ITGA10: variants seen among roughly 807,000 people sequenced by gnomAD.
ITGA10 encodes integrin subunit alpha 10.
A neutral mutation model predicts 145.2 loss-of-function variants in ITGA10; 105 were observed. The observed-to-expected ratio is 0.72, with a 90% CI of 0.62 to 0.85. The LOEUF (loss-of-function observed/expected upper bound fraction) is 0.85. ITGA10 is among the 40% of genes least tolerant of loss of function. ITGA10 has a pLI of 0.00. For synonymous variants in ITGA10, 506 were observed against 557.8 expected, an observed-to-expected ratio of 0.91 and a Z score of 1.31; for missense variants, 1,317 against 1,444.5, an observed-to-expected ratio of 0.91 and a Z score of 1.43.
At position 145,904,709 on chromosome 1, in the gene ITGA10, A is replaced by G; in HGVS notation, c.584T>C (p.Leu195Pro). The G allele has an allele frequency of 6.2e-7, 1 of 1,613,974 alleles. No individual in the cohort carries two copies. Among genetic ancestry groups the G allele is most frequent in the Non-Finnish European group, 8.5e-7 (1 of 1,179,912 alleles). The change falls in exon 6 of 30, where the codon CTG becomes CCG. Residue 195 changes from leucine to proline, a missense_variant. Leu to Pro is a moderately conservative substitution (Grantham distance 98). Coordinates refer to ENST00000369304, the MANE Select transcript of ITGA10 (RefSeq NM_003637.5). ...CTGTATCTGTTCTGGGTCAATAAAC[A>G]GTTTCCCTACCAGTCTTCGTAGGAA... ...QTFLRRLVGK[L>P]FIDPEQIQVG...
intron 1 of ITGA10, 89 bp downstream of exon 1, chr1:145,909,874 C>A: frequency 8.5e-7 from 1 of 1,173,320 alleles, no homozygotes; most frequent in South Asian, 1.2e-5. Flanking sequence ...AACCTAAATC[C>A]CAAAGAATTT....
chr1:145,901,863 T>C lies in ITGA10; in HGVS notation c.1294+14A>G. 5.6e-6 allele frequency: 9 copies of C among 1,613,994 alleles called. No homozygotes were observed. Among genetic ancestry groups the C allele is most frequent in the Non-Finnish European group, 6.8e-6 (8 of 1,179,948 alleles). ...CCCTACCCTGTAAGTCCTCTGCAACTCTCTGCTGCTCACCCAGGTAGGCTG... is the reference window on the plus strand; with the variant it reads ...CCCTACCCTGTAAGTCCTCTGCAACCCTCTGCTGCTCACCCAGGTAGGCTG... On this transcript the variant is annotated intron_variant, in intron 11 of 29. Coordinates refer to ENST00000369304, the MANE Select transcript of ITGA10 (RefSeq NM_003637.5). The surrounding 1 kb of genome is among the most constrained non-coding windows in gnomAD (Gnocchi z 4.3).
In ITGA10 at chr1:145,907,281, C is replaced by T. The variant is rs1553751649; in HGVS notation, c.164+73G>A. On this transcript the variant is annotated intron_variant, in intron 2 of 29. Coordinates refer to ENST00000369304, the MANE Select transcript of ITGA10 (RefSeq NM_003637.5). Reference sequence around the variant, plus strand: ...TCAAAAGACCAGATTAGTTTAGAGTCCCATCTATCTTGCCTCCCCTTTGTT... The same window carrying T: ...TCAAAAGACCAGATTAGTTTAGAGTTCCATCTATCTTGCCTCCCCTTTGTT... 5.0e-6 allele frequency: 8 copies of T among 1,611,752 alleles called. No homozygotes were observed. The South Asian group carries it at 8.8e-5, about 18-fold the overall frequency.
At chr1:145,895,553 T>G (rs1273491199) in intron 26 of ITGA10, 78 bp downstream of exon 26, 1 of 1,469,196 alleles carries the variant, frequency 6.8e-7, no homozygotes, top group African/African-American at 1.4e-5. Flanking sequence ...TCTTCCCCAC[T>G]CCAGTTCCTA....
rs782514495 is a variant in ITGA10, at chr1:145,901,177, C to A, written c.1545G>T (p.Gln515His). Residue 515 changes from glutamine (Q) to histidine (H), a missense_variant, in exon 13 of 30, where the codon CAG (glutamine) becomes CAT (histidine). Physicochemically the swap from Gln to His is conservative, Grantham distance 24. Transcript: ENST00000369304. The surrounding 1 kb of genome is among the most constrained non-coding windows in gnomAD (Gnocchi z 4.3). ...CATAAACACGTCCTGTTTCCTTGTT[C>A]TGGGGTCCCAGGAACATGGGGGCAG... The part of the protein sequence containing the change: ...LVAAPMFLGP[Q>H]NKETGRVYVY... 6.2e-7 allele frequency: 1 copy of A among 1,614,094 alleles called. No individual in the cohort carries two copies. The highest frequency in any genetic ancestry group is 1.1e-5 in the South Asian group (1 of 91,064).
chr1:145,905,429 G>A (rs777834889), intron 5 of ITGA10, among the ~76,000 whole-genome samples: 110 of 150,784 alleles, frequency 7.3e-4, no homozygotes, highest in Non-Finnish European at 1.4e-3. Flanking sequence ...ACAGGCGCCC[G>A]CCACGACACC....
In ITGA10 at chr1:145,904,815, G is replaced by A. The variant is rs1656895641; in HGVS notation, c.482-4C>T. The stretch of plus-strand genomic sequence containing the variant: ...ACATCCATGTATGTTGGGCAGCCTA[G>A]AAGGAAGGAGAACACTGAGGTAGAG... On this transcript the variant is annotated splice_polypyrimidine_tract_variant and splice_region_variant and intron_variant, in intron 5 of 29. Transcript: ENST00000369304. 6.2e-7 allele frequency: 1 copy of A among 1,613,448 alleles called. No individual in the cohort carries two copies. Among genetic ancestry groups the A allele is most frequent in the African/African-American group, 1.3e-5 (1 of 74,884 alleles).
At chr1:145,904,296 G>T in intron 6 of ITGA10, 96 bp from the exon 7 acceptor site, 2 of 1,189,946 alleles carry the variant, frequency 1.7e-6, no homozygotes, top group Non-Finnish European at 2.5e-6. Flanking sequence ...TGAACACCTG[G>T]ATACTACTGA....
At chr1:145,898,365 ATTT>A in intron 17 of ITGA10, 142 bp from the exon 18 acceptor site, 1 of 277,796 alleles carries the variant, frequency 3.6e-6, no homozygotes, top group Non-Finnish European at 6.5e-6. Flanking sequence ...TAGTTAATTT[ATTT>A]ATTTATTTAT....
Position 145,896,449 on chromosome 1 carries a change from G to A in ITGA10, c.2835-97C>T. On this transcript the variant is annotated intron_variant, in intron 23 of 29. Coordinates refer to ENST00000369304, the MANE Select transcript of ITGA10 (RefSeq NM_003637.5). The stretch of plus-strand genomic sequence containing the variant: ...ACAGACGTGGATTCAGAGGAGGCAG[G>A]GCCAGCACATGGATAAAGAGGTGGG... 4 of 921,754 alleles carry A rather than the reference G, an allele frequency of 4.3e-6. No individual in the cohort carries two copies. The Admixed American group carries it at 7.0e-5, about 16-fold the overall frequency. The allele number at this position is 921,754 out of a possible 1,614,324, so 57.1% of individuals were successfully genotyped here.
rs781833132 is a variant in ITGA10 at position 145,892,879 on chromosome 1, T to C, written c.3439-16A>G. 6.2e-6 allele frequency: 10 copies of C among 1,608,042 alleles called. No homozygotes were observed. The highest frequency in any genetic ancestry group is 7.7e-6 in the Non-Finnish European group (9 of 1,174,460). Reference sequence around the variant, plus strand: ...AGAAGCCAAGCTGTAGAAGAAAAGATAAGCGTCACTGCCAAATGCCTAGAC... The same window carrying C: ...AGAAGCCAAGCTGTAGAAGAAAAGACAAGCGTCACTGCCAAATGCCTAGAC... On this transcript the variant is annotated splice_polypyrimidine_tract_variant and intron_variant, in intron 29 of 29. Coordinates refer to ENST00000369304, the MANE Select transcript of ITGA10 (RefSeq NM_003637.5).
rs1271016460 is a variant in ITGA10, at chr1:145,900,050, C to A, written c.1922+7G>T. On this transcript the variant is annotated splice_region_variant and intron_variant, in intron 15 of 29. Coordinates refer to ENST00000369304, the MANE Select transcript of ITGA10 (RefSeq NM_003637.5). ...TGTCCACCACCACCTGAGCTGGGAC[C>A]CCTCACCTGAGCAGGATGGCTGCCC... is the stretch of plus-strand genomic sequence containing the variant. The A allele has an allele frequency of 3.1e-6, 5 of 1,611,976 alleles. No homozygotes were observed. The African/African-American group carries it at 5.3e-5, about 17-fold the overall frequency.
At position 145,897,999 on chromosome 1, in the gene ITGA10, T is replaced by G. The variant is rs587627616; in HGVS notation, c.2347-99A>C. The G allele has an allele frequency of 2.3e-5, 30 of 1,290,000 alleles. No homozygotes were observed. The African/African-American group carries it at 4.1e-4, about 18-fold the overall frequency. The allele number at this position is 1,290,000 out of a possible 1,614,324, so 79.9% of individuals were successfully genotyped here. On this transcript the variant is annotated intron_variant, in intron 18 of 29. Coordinates refer to ENST00000369304, the MANE Select transcript of ITGA10 (RefSeq NM_003637.5). ...AAGACAAAAGTGGGTATATTTTGAT[T>G]AGAGGAGCCCAGGTCAGATTTCACC...
At chr1:145,907,872 G>A (rs925813263) in intron 1 of ITGA10, among the ~76,000 whole-genome samples, 2 of 138,254 alleles carry the variant, frequency 1.4e-5, no homozygotes, top group South Asian at 2.4e-4. Flanking sequence ...CTGGGTTCAC[G>A]CCATTCTCCT....
rs1559195232 is a variant in ITGA10, at chr1:145,897,758, A to T, written c.2432+57T>A. The T allele has an allele frequency of 1.9e-6, 3 of 1,610,130 alleles. No individual in the cohort carries two copies. The Admixed American group carries it at 5.0e-5, about 27-fold the overall frequency. ...GAAACAACCCCCTACCCGCCCTTCG[A>T]GTCCCTTCCAGTCTGTCTCAGGTCA... On this transcript the variant is annotated intron_variant, in intron 19 of 29. Transcript: ENST00000369304.
At chr1:145,906,288 G>T in intron 5 of ITGA10, 106 bp downstream of exon 5, 1 of 790,630 alleles carries the variant, frequency 1.3e-6, no homozygotes, top group Non-Finnish European at 2.1e-6. Context: ...TAGCAATGAG[G>T]ATAGCCATGC....
intron 5 of ITGA10, among the ~76,000 whole-genome samples, chr1:145,905,244 A>G (rs374987754): frequency 1.3e-5 from 2 of 152,212 alleles, no homozygotes; most frequent in South Asian, 4.1e-4. Context: ...AAAATGTTTA[A>G]GGAGAAGAGA....
chr1:145,898,688 T>A (rs1362626650), intron 17 of ITGA10, among the ~76,000 whole-genome samples: 1 of 152,104 alleles, frequency 6.6e-6, no homozygotes, highest in Non-Finnish European at 1.5e-5. Context: ...TTAATACAAC[T>A]CCTATGATAC....
chr1:145,909,468 T>C lies in ITGA10; in HGVS notation c.52+495A>G, dbSNP rs55637231. Reference sequence around the variant, plus strand: ...AACTATATAATATATAATTATGTTATATATTATATGTATATTATATATAAT... The same window carrying C: ...AACTATATAATATATAATTATGTTACATATTATATGTATATTATATATAAT... On this transcript the variant is annotated intron_variant, in intron 1 of 29. Coordinates refer to ENST00000369304, the MANE Select transcript of ITGA10 (RefSeq NM_003637.5). 4.4e-5 allele frequency among the ~76,000 whole-genome samples: 6 copies of C among 135,432 alleles called. No individual in the cohort carries two copies. The East Asian group carries it at 1.0e-3, about 23-fold the overall frequency. The allele number at this position is 135,432 out of a possible 152,430, so 88.8% of individuals were successfully genotyped here. A position where few individuals can be genotyped will look rare whatever the true frequency, so the allele number is the denominator to read the frequency against.
Sources: gnomAD v4.1 joint callset for allele counts (sites outside exome capture counted in the v4.1 genomes callset) on GRCh38, gnomAD v4.1.1 for gene constraint, Gnocchi (gnomAD v3.1) non-coding constraint, MANE v1.5 for transcripts, NCBI Gene and HGNC (gene_info 2026-07-23, HGNC 2026-07-21) for gene names.